The following AKAP6 variants were observed in gnomAD, a reference collection of about 807,000 sequenced individuals.
The protein encoded by AKAP6 is A-kinase anchor protein 6.
In AKAP6, 58 loss-of-function variants were observed where a neutral mutation model predicts 188.5. The ratio of observed to expected loss-of-function variants is 0.31; its 90% confidence interval spans 0.25 to 0.38. The LOEUF (loss-of-function observed/expected upper bound fraction) is 0.38, where lower values mean the gene tolerates loss of function less well. Among genes scored for constraint, AKAP6 ranks in the 10% least tolerant of loss-of-function variants. The pLI is 1.00. For synonymous variants in AKAP6, 989 were observed against 998.6 expected, an observed-to-expected ratio of 0.99 and a Z score of 0.18; for missense variants, 2,710 against 2,740.0, an observed-to-expected ratio of 0.99 and a Z score of 0.24.
At chr14:32,628,608 G>T (rs1299056310) in intron 7 of AKAP6, among the ~76,000 whole-genome samples, 2 of 151,938 alleles carry the variant, frequency 1.3e-5, no homozygotes, top group African/African-American at 4.8e-5. Flanking sequence ...TTTTTTTAAG[G>T]TGAAAAGGCC....
At chr14:32,659,678 CT>C (rs1888602350) in intron 7 of AKAP6, among the ~76,000 whole-genome samples, 1 of 152,072 alleles carries the variant, frequency 6.6e-6, no homozygotes, top group Non-Finnish European at 1.5e-5. Context: ...TGGTACTAAC[CT>C]TTTCGACATC....
At chr14:32,361,889 G>A (rs7492831) in intron 1 of AKAP6, among the ~76,000 whole-genome samples, 9,227 of 151,780 alleles carry the variant, frequency 0.061, 399 homozygotes, top group South Asian at 0.12. Flanking sequence ...ATTGTATGCC[G>A]GTTGCGGGGG....
intron 2 of AKAP6, among the ~76,000 whole-genome samples, chr14:32,516,511 AC>A (rs1566550150): frequency 6.6e-6 from 1 of 152,188 alleles, no homozygotes; most frequent in Non-Finnish European, 1.5e-5. Context: ...TCTTATAAAT[AC>A]CTGTCCTAGT....
chr14:32,517,588 C>T (rs921018649), intron 2 of AKAP6, among the ~76,000 whole-genome samples: 10 of 152,216 alleles, frequency 6.6e-5, no homozygotes, highest in Non-Finnish European at 1.0e-4. Flanking sequence ...CACGGAGCCT[C>T]GCTCACTGCT....
chr14:32,572,758 T>A (rs1211042330), intron 4 of AKAP6, among the ~76,000 whole-genome samples: 1 of 152,246 alleles, frequency 6.6e-6, no homozygotes. Context: ...ACTTTCACGG[T>A]GCTTCTTAGT....
intron 9 of AKAP6, among the ~76,000 whole-genome samples, chr14:32,702,723 C>T (rs1297031406): frequency 6.6e-6 from 1 of 152,138 alleles, no homozygotes; most frequent in East Asian, 1.9e-4. Context: ...TTGTGCTGCT[C>T]CCTCTCTCCC....
chr14:32,514,801 A>G (rs894670816), intron 2 of AKAP6, among the ~76,000 whole-genome samples: 5 of 152,202 alleles, frequency 3.3e-5, no homozygotes, highest in Admixed American at 3.3e-4. Context: ...CTGGGAAAGG[A>G]TAAGTAGGAG....
chr14:32,600,757 T>C lies in AKAP6; in HGVS notation c.2695T>C (p.Ser899Pro), dbSNP rs545180116. 1.2e-6 allele frequency: 2 copies of C among 1,612,054 alleles called. No homozygotes were observed. The highest frequency in any genetic ancestry group is 2.7e-5 in the African/African-American group (2 of 74,952). ...IKAEILATDV[S>P]VEDEEGTGSP... ...AGCCGAGATACTGGCTACTGATGTG[T>C]CTGTGGAGGATGAGGAAGGGACTGG... is the stretch of plus-strand genomic sequence containing the variant. Residue 899 changes from serine (S) to proline (P), a missense_variant, in exon 7 of 14, where the codon TCT becomes CCT. Physicochemically the swap from Ser to Pro is moderately conservative, Grantham distance 74. This residue lies in a region of AKAP6 where 2,473 missense variants were observed against 2,426.1 expected (regional missense o/e 1.02). Transcript: ENST00000280979.
intron 9 of AKAP6, among the ~76,000 whole-genome samples, chr14:32,729,167 C>G (rs977468611): frequency 4.6e-5 from 7 of 152,142 alleles, no homozygotes; most frequent in Admixed American, 3.9e-4. Context: ...GCCTTCTATA[C>G]CAGTTTCAAA....
chr14:32,482,489 G>A (rs1879404596), intron 2 of AKAP6, among the ~76,000 whole-genome samples: 1 of 152,144 alleles, frequency 6.6e-6, no homozygotes, highest in East Asian at 1.9e-4. Flanking sequence ...ATTATTTCCT[G>A]ACCACTCTAT....
At chr14:32,416,742 A>G (rs951769029) in intron 1 of AKAP6, among the ~76,000 whole-genome samples, 2 of 151,996 alleles carry the variant, frequency 1.3e-5, no homozygotes, top group African/African-American at 4.8e-5. Context: ...TTTAGTAGAG[A>G]TGGGGTTTCA....
intron 8 of AKAP6, among the ~76,000 whole-genome samples, chr14:32,688,689 G>A (rs541660854): frequency 1.2e-4 from 19 of 152,112 alleles, no homozygotes; most frequent in South Asian, 2.1e-4. Flanking sequence ...TACTACACCC[G>A]TGCAAGAGAA....
chr14:32,778,579 C>G (rs144166314), intron 12 of AKAP6, among the ~76,000 whole-genome samples: 4 of 151,850 alleles, frequency 2.6e-5, no homozygotes, highest in African/African-American at 9.7e-5. Context: ...CGGGGTCTTA[C>G]TCTGTTGCTC....
At chr14:32,745,118 CAT>C (rs1280811556) in intron 11 of AKAP6, among the ~76,000 whole-genome samples, 1 of 152,062 alleles carries the variant, frequency 6.6e-6, no homozygotes, top group Non-Finnish European at 1.5e-5. Flanking sequence ...TTATTTAGTT[CAT>C]TTGGTGAGGT....
intron 1 of AKAP6, among the ~76,000 whole-genome samples, chr14:32,412,174 T>A (rs2138651426): frequency 6.6e-6 from 1 of 152,348 alleles, no homozygotes; most frequent in South Asian, 2.1e-4. Flanking sequence ...GTAGGTAGCA[T>A]ACAATTGTCT....
chr14:32,806,875 T>C (rs1416679699), intron 12 of AKAP6, among the ~76,000 whole-genome samples: 1 of 152,048 alleles, frequency 6.6e-6, no homozygotes, highest in African/African-American at 2.4e-5. Flanking sequence ...ACCACATTTA[T>C]GTATTCATTC....
intron 4 of AKAP6, among the ~76,000 whole-genome samples, chr14:32,560,634 C>G (rs932340120): frequency 6.6e-6 from 1 of 152,168 alleles, no homozygotes; most frequent in Non-Finnish European, 1.5e-5. Context: ...ATAACAGTGC[C>G]TAACTGCATT....
chr14:32,405,667 T>C (rs1889265240), intron 1 of AKAP6, among the ~76,000 whole-genome samples: 1 of 146,688 alleles, frequency 6.8e-6, no homozygotes, highest in South Asian at 2.3e-4. Context: ...AATTGAATCA[T>C]GGGGGCAGTT....
intron 1 of AKAP6, among the ~76,000 whole-genome samples, chr14:32,382,145 T>C (rs1334456677): frequency 6.6e-6 from 1 of 152,332 alleles, no homozygotes; most frequent in East Asian, 1.9e-4. Flanking sequence ...CTGTCTTTTC[T>C]TTTTGCTGCT....
Sources: gnomAD v4.1 joint callset for allele counts (sites outside exome capture counted in the v4.1 genomes callset) on GRCh38, gnomAD v4.1.1 for gene constraint, gnomAD v4.1.1 regional missense constraint, MANE v1.5 for transcripts, NCBI Gene and HGNC (gene_info 2026-07-23, HGNC 2026-07-21) for gene names.